Variants in UNC13A observed in about 807,000 individuals in gnomAD.
UNC13A encodes the protein protein unc-13 homolog A.
A neutral mutation model predicts 219.7 loss-of-function variants in UNC13A; 61 were observed. The ratio of observed to expected loss-of-function variants is 0.28; its 90% confidence interval spans 0.23 to 0.34. UNC13A has a LOEUF of 0.34. Among genes scored for constraint, UNC13A ranks in the 10% least tolerant of loss-of-function variants. UNC13A has a pLI of 1.00. For missense variants in UNC13A, 1,476 were observed against 2,270.3 expected, an observed-to-expected ratio of 0.65 and a Z score of 7.11; for synonymous variants, 920 against 884.6, an observed-to-expected ratio of 1.04 and a Z score of -0.71.
intron 9 of UNC13A, among the ~76,000 whole-genome samples, chr19:17,657,283 T>C (rs984980154): frequency 3.9e-5 from 6 of 152,150 alleles, no homozygotes; most frequent in Admixed American, 3.9e-4. Context: ...CACCTCGTTG[T>C]CTCTCCAACA....
At chr19:17,617,873 G>A (rs1351905539) in intron 40 of UNC13A, 24 bp from the exon 41 acceptor site, 1 of 1,613,010 alleles carries the variant, frequency 6.2e-7, no homozygotes. Context: ...GGTGGGGAGA[G>A]GTGAGGATGG....
At chr19:17,658,835 C>T (rs946006417) in intron 8 of UNC13A, among the ~76,000 whole-genome samples, 2 of 152,198 alleles carry the variant, frequency 1.3e-5, no homozygotes, top group African/African-American at 4.8e-5. Flanking sequence ...AGATTCTTAG[C>T]TTGGCAAAGC....
intron 38 of UNC13A, 144 bp downstream of exon 38, chr19:17,620,549 A>C: frequency 1.3e-5 from 6 of 449,238 alleles, no homozygotes; most frequent in East Asian, 7.8e-5. Context: ...CGAGCAAGCC[A>C]GACAGACAAA....
intron 15 of UNC13A, 83 bp from the exon 16 acceptor site, chr19:17,648,733 C>G (rs964830332): frequency 6.4e-6 from 10 of 1,551,476 alleles, no homozygotes; most frequent in Non-Finnish European, 8.8e-6. Context: ...CATCACTGAG[C>G]GCGGTAAAGT....
rs534329189 is a variant in UNC13A, at chr19:17,631,794, G to A, written c.3428+988C>T. On this transcript the variant is annotated intron_variant, in intron 28 of 43. Coordinates refer to ENST00000519716, the MANE Select transcript of UNC13A (RefSeq NM_001080421.3). ...GAGTCTCACTCTGTCGCCCAGGCTG[G>A]AGTGCAGTGACACGATTTCCGCTTA... Among the ~76,000 whole-genome samples, 46 of 152,220 alleles carry A rather than the reference G, an allele frequency of 3.0e-4. No homozygotes were observed. In the South Asian group the frequency reaches 9.4e-3, roughly 31 times the overall value.
At chr19:17,608,365 AT>A (rs1186166074) in intron 43 of UNC13A, among the ~76,000 whole-genome samples, 1 of 117,798 alleles carries the variant, frequency 8.5e-6, no homozygotes, top group Non-Finnish European at 1.7e-5. Context: ...ATATAAATAT[AT>A]ATTATATATG....
intron 26 of UNC13A, among the ~76,000 whole-genome samples, chr19:17,634,351 T>A (rs903160474): frequency 7.2e-5 from 11 of 152,308 alleles, no homozygotes; most frequent in Admixed American, 2.0e-4. Context: ...CCTTTTTTTT[T>A]ATTTAGAGAC....
intron 9 of UNC13A, among the ~76,000 whole-genome samples, chr19:17,657,714 A>T (rs778845691): frequency 7.2e-5 from 11 of 151,878 alleles, no homozygotes; most frequent in Non-Finnish European, 1.2e-4. Flanking sequence ...AAAAAATAAA[A>T]ATAAATTAGC....
At position 17,624,766 on chromosome 19, in the gene UNC13A, G is replaced by A. The variant is rs1412874709; in HGVS notation, c.4197+63C>T. 2.4e-5 allele frequency: 37 copies of A among 1,550,170 alleles called. No individual in the cohort carries two copies. In the African/African-American group the frequency reaches 4.5e-4, roughly 19 times the overall value. ...TTACCCCCCAGCCTCTAGGCACCAA[G>A]TTTTCTGGGCTCTCGCCAGGGAGGT... On this transcript the variant is annotated intron_variant, in intron 35 of 43. Coordinates refer to ENST00000519716, the MANE Select transcript of UNC13A (RefSeq NM_001080421.3).
In UNC13A at chr19:17,648,579, G is replaced by C; in HGVS notation, c.1668C>G (p.Phe556Leu). The C allele has an allele frequency of 6.2e-7, 1 of 1,614,070 alleles. No homozygotes were observed. The highest frequency in any genetic ancestry group is 8.5e-7 in the Non-Finnish European group (1 of 1,179,972). The change falls in exon 16 of 44, where the codon TTC (phenylalanine) becomes TTG (leucine). Residue 556 changes from phenylalanine to leucine, a missense_variant. Phe to Leu is a conservative substitution (Grantham distance 22). This residue lies in a region of UNC13A where 85 missense variants were observed against 211.5 expected (regional missense o/e 0.40). Transcript: ENST00000519716. Reference protein sequence around the residue: ...YPISCTTPHNFEVWTATTPTY... With the variant: ...YPISCTTPHNLEVWTATTPTY... ...TGGGCGTGGTGGCCGTCCACACTTC[G>C]AAGTTGTGTGGCGTCGTGCACGAGA...
At position 17,674,766 on chromosome 19, in the gene UNC13A, T is replaced by G. The variant is rs767608701; in HGVS notation, c.53-10A>C. 2 of 1,612,244 alleles carry G rather than the reference T, an allele frequency of 1.2e-6. No individual in the cohort carries two copies. The highest frequency in any genetic ancestry group is 1.7e-6 in the Non-Finnish European group (2 of 1,178,370). ...TACGTGTTGAATTTCTCTGTGGCAG[T>G]GAGAGTAGGGGTCAGCGCTGGGGCT... On this transcript the variant is annotated splice_polypyrimidine_tract_variant and intron_variant, in intron 2 of 43. Transcript: ENST00000519716. The surrounding 1 kb of genome is among the most constrained non-coding windows in gnomAD (Gnocchi z 5.0).
In UNC13A at chr19:17,631,192, C is replaced by CCCTCCT. The variant is rs1337946416; in HGVS notation, c.3429-443_3429-442insAGGAGG. 3.5e-4 allele frequency among the ~76,000 whole-genome samples: 12 copies of CCCTCCT among 34,106 alleles called. 2 individuals carry two copies. Among genetic ancestry groups the CCCTCCT allele is most frequent in the East Asian group, 4.7e-4 (1 of 2,116 alleles). The allele number at this position is 34,106 out of a possible 152,430, so 22.4% of individuals were successfully genotyped here. On this transcript the variant is annotated intron_variant, in intron 28 of 43. Transcript: ENST00000519716. ...CTCCCTCCCTCCTTTCCTTCCTTCC[C>CCCTCCT]TCCCTCCCTCCCTTCCTTCCTTCCT...
chr19:17,633,237 A>AGATGG, intron 26 of UNC13A, 44 bp from the exon 27 acceptor site: 1 of 1,581,682 alleles, frequency 6.3e-7, no homozygotes, highest in Non-Finnish European at 8.7e-7. Flanking sequence ...GGCAGAAGGC[A>AGATGG]GATGGGATGG....
At position 17,655,292 on chromosome 19, in the gene UNC13A, C is replaced by T. The variant is rs745829444; in HGVS notation, c.1374G>A (p.Val458=). ...KANWLRAFNK[V]RMQLQEARGE... ...CACTCACCTCCTGCAGCTGCATCCGCACCTTGTTGAAGGCACGCAGCCAGT... is the reference window on the plus strand; with the variant it reads ...CACTCACCTCCTGCAGCTGCATCCGTACCTTGTTGAAGGCACGCAGCCAGT... Residue 458 remains valine (V), a synonymous_variant, in exon 11 of 44, where the codon GTG becomes GTA. Transcript: ENST00000519716. 13 of 1,581,212 alleles carry T rather than the reference C, an allele frequency of 8.2e-6. No homozygotes were observed. The African/African-American group carries it at 1.7e-4, about 21-fold the overall frequency.
intron 8 of UNC13A, among the ~76,000 whole-genome samples, chr19:17,660,295 C>T (rs2079528680): frequency 6.6e-6 from 1 of 150,718 alleles, no homozygotes; most frequent in Non-Finnish European, 1.5e-5. Context: ...TTTTTTTTTC[C>T]TGACAAATTA....
At position 17,649,503 on chromosome 19, in the gene UNC13A, G is replaced by A; in HGVS notation, c.1518+6C>T. 1.2e-6 allele frequency: 2 copies of A among 1,613,936 alleles called. No homozygotes were observed. The highest frequency in any genetic ancestry group is 1.7e-6 in the Non-Finnish European group (2 of 1,179,876). On this transcript the variant is annotated splice_donor_region_variant and intron_variant, in intron 13 of 43. Transcript: ENST00000519716. This position sits in a 1 kb window ranked among gnomAD's most constrained non-coding sequence, Gnocchi z 4.4. ...TGCTCAGGGAGTAAAGGGCGAGGGT[G>A]CTTACCAAGTCGCTCACGAGTGGGA...
chr19:17,649,557 G>A lies in UNC13A; in HGVS notation c.1470C>T (p.Ser490=). 6.2e-7 allele frequency: 1 copy of A among 1,613,918 alleles called. No homozygotes were observed. Among genetic ancestry groups the A allele is most frequent in the Non-Finnish European group, 8.5e-7 (1 of 1,179,862 alleles). Residue 490 remains serine (S), a synonymous_variant, in exon 13 of 44, where the codon AGC becomes AGT. Coordinates refer to ENST00000519716, the MANE Select transcript of UNC13A (RefSeq NM_001080421.3). This position sits in a 1 kb window ranked among gnomAD's most constrained non-coding sequence, Gnocchi z 4.4. ...GTTTCCTCTTGCGGATGTCTGGCAT[G>A]CTGTCGATGATGATGAGACCGCCCC... ...GPGGGLIIID[S]MPDIRKRKPI... is the part of the protein sequence containing the mutation.
At position 17,606,076 on chromosome 19, in the gene UNC13A, C is replaced by A. The variant is rs758392831; in HGVS notation, c.5090G>T (p.Gly1697Val). The A allele has an allele frequency of 1.4e-5, 22 of 1,582,192 alleles. No individual in the cohort carries two copies. The highest frequency in any genetic ancestry group is 1.5e-5 in the Non-Finnish European group (17 of 1,167,856). The change falls in exon 44 of 44, where the codon GGC (glycine) becomes GTC (valine). Residue 1697 changes from glycine (G) to valine (V), a missense_variant. By Grantham distance (109) the Gly-to-Val change is moderately radical (BLOSUM62 -3). Coordinates refer to ENST00000519716, the MANE Select transcript of UNC13A (RefSeq NM_001080421.3). ...GCGCTAAGGCGCAGGCGCGGCACCG[C>A]CCTCCTCGGCGGAGCGCGTGTCCGA... Reference protein sequence around the residue: ...LKSDTRSAEEGGAAPAP With the variant: ...LKSDTRSAEEVGAAPAP
At position 17,619,046 on chromosome 19, in the gene UNC13A, C is replaced by CA; in HGVS notation, c.4273-85dup. 3 of 1,356,044 alleles carry CA rather than the reference C, an allele frequency of 2.2e-6. No individual in the cohort carries two copies. In the Middle Eastern group the frequency reaches 5.7e-4, roughly 256 times the overall value. 84.0% of individuals were successfully genotyped at this position (1,356,044 alleles called of 1,614,324 possible). Reference sequence around the variant, plus strand: ...CCCAGAGACCATCTTGGTTCTTGCCCAAAGGCTCTGGGCAGGGCAATAATT... The same window carrying CA: ...CCCAGAGACCATCTTGGTTCTTGCCCAAAAGGCTCTGGGCAGGGCAATAATT... On this transcript the variant is annotated intron_variant, in intron 38 of 43. Coordinates refer to ENST00000519716, the MANE Select transcript of UNC13A (RefSeq NM_001080421.3).
Sources: allele counts gnomAD v4.1 joint callset (sites outside exome capture counted in the v4.1 genomes callset), GRCh38; gene constraint gnomAD v4.1.1; regional missense constraint gnomAD v4.1.1; non-coding constraint Gnocchi (gnomAD v3.1); transcripts MANE v1.5; gene names NCBI Gene and HGNC (gene_info 2026-07-23, HGNC 2026-07-21).